Variants in RPH3A observed in about 807,000 individuals in gnomAD.
RPH3A encodes the protein rabphilin 3A.
A neutral mutation model predicts 102.2 loss-of-function variants in RPH3A; 48 were observed. The observed-to-expected ratio is 0.47, with a 90% CI of 0.37 to 0.60. The LOEUF (loss-of-function observed/expected upper bound fraction) is 0.60, where lower values mean the gene tolerates loss of function less well. Ranked by LOEUF, RPH3A falls within the 20% of genes least tolerant of loss-of-function variation. RPH3A has a pLI of 0.00. For synonymous variants in RPH3A, 310 were observed against 324.3 expected (o/e 0.96, Z 0.47); for missense variants, 781 against 910.1 (o/e 0.86, Z 1.83).
intron 5 of RPH3A, among the ~76,000 whole-genome samples, chr12:112,857,831 T>G (rs1176739952): frequency 6.6e-6 from 1 of 152,122 alleles, no homozygotes; most frequent in Non-Finnish European, 1.5e-5. Context: ...TGGACCAACC[T>G]TGTAGTTTCA....
At chr12:112,731,457 T>C (rs920917226) in intron 1 of RPH3A, among the ~76,000 whole-genome samples, 1 of 152,194 alleles carries the variant, frequency 6.6e-6, no homozygotes, top group African/African-American at 2.4e-5. Context: ...AATGTCCAGC[T>C]CTCTATTTCT....
chr12:112,781,135 G>A (rs2041004213), intron 1 of RPH3A, among the ~76,000 whole-genome samples: 1 of 151,960 alleles, frequency 6.6e-6, no homozygotes, highest in Admixed American at 6.6e-5. Flanking sequence ...ACTCCAGCCT[G>A]GGCTACAGAG....
chr12:112,728,736 C>G (rs544633103), intron 1 of RPH3A, among the ~76,000 whole-genome samples: 35 of 152,206 alleles, frequency 2.3e-4, no homozygotes, highest in African/African-American at 8.4e-4. Context: ...AAGAGCATGT[C>G]AAGCAGTGGT....
At chr12:112,841,012 T>A (rs1450828103) in intron 4 of RPH3A, among the ~76,000 whole-genome samples, 1 of 151,544 alleles carries the variant, frequency 6.6e-6, no homozygotes, top group Non-Finnish European at 1.5e-5. Flanking sequence ...TACTTTACAT[T>A]CCCCTAATTA....
intron 1 of RPH3A, among the ~76,000 whole-genome samples, chr12:112,765,761 G>A (rs2040884162): frequency 1.3e-5 from 2 of 152,294 alleles, no homozygotes; most frequent in South Asian, 4.1e-4. Flanking sequence ...GGCCTTTGCA[G>A]GACTGGAACC....
chr12:112,813,819 C>T (rs1027343076), intron 2 of RPH3A, among the ~76,000 whole-genome samples: 2 of 152,202 alleles, frequency 1.3e-5, no homozygotes, highest in African/African-American at 4.8e-5. Context: ...GCTCAGACAG[C>T]TTAGCTGGGG....
chr12:112,699,107 G>C (rs1363501634), intron 1 of RPH3A, among the ~76,000 whole-genome samples: 2 of 152,078 alleles, frequency 1.3e-5, no homozygotes, highest in Non-Finnish European at 2.9e-5. Context: ...TTTTTCTAGA[G>C]ATGGGGTTTC....
At chr12:112,861,979 C>A (rs1425564050) in intron 5 of RPH3A, among the ~76,000 whole-genome samples, 1 of 146,332 alleles carries the variant, frequency 6.8e-6, no homozygotes, top group African/African-American at 2.6e-5. Context: ...CACCACTGCA[C>A]TCCAGCCTGG....
intron 1 of RPH3A, among the ~76,000 whole-genome samples, chr12:112,645,806 A>G (rs773325735): frequency 1.3e-5 from 2 of 152,156 alleles, no homozygotes; most frequent in African/African-American, 2.4e-5. Context: ...CAATTTGTCA[A>G]TGTGAGTGGC....
At chr12:112,879,264 G>T in intron 14 of RPH3A, 66 bp downstream of exon 14, 1 of 1,337,166 alleles carries the variant, frequency 7.5e-7, no homozygotes, top group East Asian at 2.3e-5. Flanking sequence ...GACTCAGATG[G>T]GGATGGATGA....
chr12:112,883,438 G>A, intron 16 of RPH3A, 36 bp downstream of exon 16: 1 of 1,482,264 alleles, frequency 6.7e-7, no homozygotes, highest in East Asian at 2.3e-5. Context: ...GGGAGGCAAA[G>A]GGGAGACTCG....
At chr12:112,805,326 T>A (rs112085201) in intron 2 of RPH3A, among the ~76,000 whole-genome samples, 233 of 152,294 alleles carry the variant, frequency 1.5e-3, no homozygotes, top group African/African-American at 5.4e-3. Context: ...TGGGATTTTT[T>A]TTTTAATGCA....
intron 16 of RPH3A, among the ~76,000 whole-genome samples, chr12:112,884,908 A>G (rs2042979495): frequency 6.6e-6 from 1 of 152,160 alleles, no homozygotes; most frequent in South Asian, 2.1e-4. Context: ...TCAATATCCT[A>G]ACATCTTACA....
At chr12:112,617,912 T>C (rs1303330943) in intron 1 of RPH3A, 1 of 152,214 alleles carries the variant, frequency 6.6e-6, no homozygotes, top group Non-Finnish European at 1.5e-5. Flanking sequence ...TTCATGCTTA[T>C]TGTGATAAAT....
At chr12:112,579,886 T>TA (rs781014460) in intron 1 of RPH3A, among the ~76,000 whole-genome samples, 3 of 152,062 alleles carry the variant, frequency 2.0e-5, no homozygotes, top group African/African-American at 4.8e-5. Flanking sequence ...TGCACCACCA[T>TA]AGCTGGCCAA....
chr12:112,662,437 G>A (rs563978043), intron 1 of RPH3A, among the ~76,000 whole-genome samples: 1 of 152,278 alleles, frequency 6.6e-6, no homozygotes, highest in South Asian at 2.1e-4. Flanking sequence ...TTATAGATCA[G>A]GAACCCAAAG....
intron 1 of RPH3A, among the ~76,000 whole-genome samples, chr12:112,778,742 T>C (rs1373465994): frequency 6.6e-6 from 1 of 152,192 alleles, no homozygotes; most frequent in Non-Finnish European, 1.5e-5. Context: ...CAGGCTTACA[T>C]TGTAGCAACT....
chr12:112,887,962 G>T (rs900289268), intron 17 of RPH3A, 39 bp downstream of exon 17: 2 of 1,605,716 alleles, frequency 1.2e-6, no homozygotes, highest in Non-Finnish European at 8.5e-7. Flanking sequence ...GGGAGGAGGG[G>T]AGATTGGGGG....
intron 1 of RPH3A, among the ~76,000 whole-genome samples, chr12:112,694,490 C>G (rs1296904554): frequency 6.6e-6 from 1 of 151,842 alleles, no homozygotes; most frequent in Non-Finnish European, 1.5e-5. Flanking sequence ...GGCTGGCCAC[C>G]AAGCTGAGAT....
Sources: allele counts gnomAD v4.1 joint callset (sites outside exome capture counted in the v4.1 genomes callset), GRCh38; gene constraint gnomAD v4.1.1; transcripts MANE v1.5; gene names NCBI Gene and HGNC (gene_info 2026-07-23, HGNC 2026-07-21).